ATP9A: variants seen among roughly 807,000 people sequenced by gnomAD.
The protein encoded by ATP9A is probable phospholipid-transporting ATPase IIA.
A neutral mutation model predicts 144.1 loss-of-function variants in ATP9A; 52 were observed. The ratio of observed to expected loss-of-function variants is 0.36; its 90% confidence interval spans 0.29 to 0.45. ATP9A has a LOEUF of 0.45. Ranked by LOEUF, ATP9A falls within the 20% of genes least tolerant of loss-of-function variation. The probability of loss-of-function intolerance (pLI) is 1.00; values close to 1 mark genes in which losing one functional copy is unlikely to be tolerated. For missense variants in ATP9A, 947 were observed against 1,392.7 expected (o/e 0.68, Z 5.09); for synonymous variants, 582 against 557.4 (o/e 1.04, Z -0.62).
At chr20:51,616,486 T>C (rs1331568490) in intron 22 of ATP9A, among the ~76,000 whole-genome samples, 2 of 152,178 alleles carry the variant, frequency 1.3e-5, no homozygotes, top group Non-Finnish European at 2.9e-5. Context: ...ATCTCACTAA[T>C]TTTTGTATTT....
At chr20:51,728,122 C>T (rs900469071) in intron 2 of ATP9A, among the ~76,000 whole-genome samples, 1 of 152,068 alleles carries the variant, frequency 6.6e-6, no homozygotes, top group African/African-American at 2.4e-5. Flanking sequence ...CTCGTTGAGG[C>T]TAAGGCAGCT....
intron 17 of ATP9A, 57 bp downstream of exon 17, chr20:51,627,543 G>T: frequency 6.8e-7 from 1 of 1,465,044 alleles, no homozygotes; most frequent in Non-Finnish European, 9.6e-7. Context: ...GGTGGAAGGA[G>T]TGACTGGGAG....
chr20:51,662,442 G>A (rs1192717950), intron 13 of ATP9A, among the ~76,000 whole-genome samples: 1 of 151,788 alleles, frequency 6.6e-6, no homozygotes, highest in Non-Finnish European at 1.5e-5. Context: ...CTACTCGGCA[G>A]GCTGAGGCAG....
rs573759092 is a variant in ATP9A at position 51,645,794 on chromosome 20, A to G, written c.1507-6290T>C. 9.6e-4 allele frequency among the ~76,000 whole-genome samples: 146 copies of G among 152,212 alleles called. 2 individuals are homozygous for G. Among genetic ancestry groups the G allele is most frequent in the Non-Finnish European group, 9.7e-4 (66 of 68,042 alleles). On this transcript the variant is annotated intron_variant, in intron 14 of 27. Coordinates refer to ENST00000338821, the MANE Select transcript of ATP9A (RefSeq NM_006045.3). ...ACAAACATCTGGGGAGTGAGCTGAGATAACTGCATTCCCTCCCAAAACAAA... is the reference window on the plus strand; with the variant it reads ...ACAAACATCTGGGGAGTGAGCTGAGGTAACTGCATTCCCTCCCAAAACAAA...
chr20:51,711,421 C>T (rs908850461), intron 4 of ATP9A, among the ~76,000 whole-genome samples: 1 of 152,150 alleles, frequency 6.6e-6, no homozygotes, highest in East Asian at 1.9e-4. Flanking sequence ...TCCTTGGAAG[C>T]ATAAAGCACT....
rs369600994 is a variant in ATP9A at position 51,666,635 on chromosome 20, G to A, written c.1293+3362C>T. On this transcript the variant is annotated intron_variant, in intron 13 of 27. Coordinates refer to ENST00000338821, the MANE Select transcript of ATP9A (RefSeq NM_006045.3). ...GTGGAGGTTGCAGTGAGCCGAGATCGCACCCCTGTACCTCAGCCTGGGCAA... is the reference window on the plus strand; with the variant it reads ...GTGGAGGTTGCAGTGAGCCGAGATCACACCCCTGTACCTCAGCCTGGGCAA... Among the ~76,000 whole-genome samples the A allele has an allele frequency of 3.5e-4, 52 of 149,646 alleles. 2 individuals are homozygous for A. Among genetic ancestry groups the A allele is most frequent in the African/African-American group, 7.9e-4 (32 of 40,494 alleles).
intron 1 of ATP9A, among the ~76,000 whole-genome samples, chr20:51,743,638 C>T (rs1472380975): frequency 2.0e-5 from 3 of 148,296 alleles, no homozygotes; most frequent in African/African-American, 7.3e-5. Flanking sequence ...CTACTGACCT[C>T]GTGATTCGCC....
chr20:51,730,088 G>A (rs1342726188), intron 1 of ATP9A, 110 bp from the exon 2 acceptor site: 1 of 1,201,464 alleles, frequency 8.3e-7, no homozygotes, highest in Admixed American at 3.2e-5. Flanking sequence ...CTCTGGCTCA[G>A]GACCACAGCC....
chr20:51,697,263 G>GTGTC (rs893049895), intron 5 of ATP9A, among the ~76,000 whole-genome samples, 161 bp downstream of exon 5: 4 of 152,014 alleles, frequency 2.6e-5, no homozygotes, highest in Non-Finnish European at 5.9e-5. Context: ...GTGTGTGTGT[G>GTGTC]TGTCTGTCTG....
chr20:51,667,539 C>A (rs137857519), intron 13 of ATP9A, among the ~76,000 whole-genome samples: 234 of 152,290 alleles, frequency 1.5e-3, no homozygotes, highest in African/African-American at 5.4e-3. Flanking sequence ...TAAGGCAGCT[C>A]ACCCTGCCTG....
chr20:51,697,449 A>C lies in ATP9A; in HGVS notation c.470T>G (p.Val157Gly). The C allele has an allele frequency of 1.2e-6, 2 of 1,613,670 alleles. No homozygotes were observed. Among genetic ancestry groups the C allele is most frequent in the Non-Finnish European group, 1.7e-6 (2 of 1,179,858 alleles). ...CTTTTCAACGATGATAAGGTCTCCA[A>C]CTTGGATGTTAGAACTCTTCACCTT... ...TVKVKSSNIQ[V>G]GDLIIVEKNQ... is the part of the protein sequence containing the mutation. The change falls in exon 5 of 28, where the codon GTT (valine) becomes GGT (glycine). Residue 157 changes from valine (V) to glycine (G), a missense_variant. Around this residue, in one of 2 missense-constraint regions of ATP9A, gnomAD observed 770 missense variants for 1,047.9 expected, o/e 0.73. Transcript: ENST00000338821.
At chr20:51,724,156 A>T (rs2077702299) in intron 3 of ATP9A, among the ~76,000 whole-genome samples, 1 of 151,924 alleles carries the variant, frequency 6.6e-6, no homozygotes, top group Non-Finnish European at 1.5e-5. Context: ...GGGCAATAAG[A>T]GCGAAACTCC....
chr20:51,640,431 A>G (rs2077314002), intron 14 of ATP9A, among the ~76,000 whole-genome samples: 1 of 152,208 alleles, frequency 6.6e-6, no homozygotes, highest in Non-Finnish European at 1.5e-5. Flanking sequence ...ACCACACCAG[A>G]GACTGATCTG....
Position 51,597,626 on chromosome 20 carries a change from T to G in ATP9A, c.*3585A>C, listed in dbSNP as rs544622271. ...GTTTAAGTAGGATGGAGCAGAAGAA[T>G]GTACATGTCCCATTTGCAATTTTGG... On this transcript the variant is annotated 3_prime_UTR_variant, in exon 28 of 28. Coordinates refer to ENST00000338821, the MANE Select transcript of ATP9A (RefSeq NM_006045.3). 6.6e-6 allele frequency: 1 copy of G among 152,258 alleles called. No homozygotes were observed. Among genetic ancestry groups the G allele is most frequent in the Non-Finnish European group, 1.5e-5 (1 of 68,032 alleles). 9.4% of individuals were successfully genotyped at this position (152,258 alleles called of 1,614,324 possible).
chr20:51,722,078 G>A (rs540277642), intron 3 of ATP9A, among the ~76,000 whole-genome samples: 1 of 151,902 alleles, frequency 6.6e-6, no homozygotes, highest in South Asian at 2.1e-4. Flanking sequence ...AAACAAAAAC[G>A]TAAAGTGGGG....
intron 21 of ATP9A, 25 bp downstream of exon 21, chr20:51,618,637 G>A: frequency 6.2e-7 from 1 of 1,600,372 alleles, no homozygotes; most frequent in Non-Finnish European, 8.5e-7. Context: ...GCCAGGGCCA[G>A]CAGCACAGCC....
chr20:51,644,247 C>G (rs1457152956), intron 14 of ATP9A, among the ~76,000 whole-genome samples: 5 of 146,672 alleles, frequency 3.4e-5, no homozygotes, highest in Admixed American at 3.4e-4. Context: ...GAGAGAATTA[C>G]TTCTAGCTTT....
chr20:51,652,233 G>T (rs1190396194), intron 14 of ATP9A, among the ~76,000 whole-genome samples: 1 of 152,208 alleles, frequency 6.6e-6, no homozygotes, highest in African/African-American at 2.4e-5. Context: ...TTTCCTCCGT[G>T]ACTTACTGTA....
Position 51,762,475 on chromosome 20 carries a change from C to T in ATP9A, c.68+5827G>A, listed in dbSNP as rs568539994. 6.2e-5 allele frequency among the ~76,000 whole-genome samples: 9 copies of T among 144,476 alleles called. No individual in the cohort carries two copies. In the East Asian group the frequency reaches 1.8e-3, roughly 30 times the overall value. The allele number at this position is 144,476 out of a possible 152,430, so 94.8% of individuals were successfully genotyped here. On this transcript the variant is annotated intron_variant, in intron 1 of 27. Coordinates refer to ENST00000338821, the MANE Select transcript of ATP9A (RefSeq NM_006045.3). The stretch of plus-strand genomic sequence containing the variant: ...ACACCACTGCACTCCAGCCTAGTGA[C>T]AGAGCAAGACTCTGTCTCAAAAAAA...
Sources: gnomAD v4.1 joint callset for allele counts (sites outside exome capture counted in the v4.1 genomes callset) on GRCh38, gnomAD v4.1.1 for gene constraint, gnomAD v4.1.1 regional missense constraint, MANE v1.5 for transcripts, NCBI Gene and HGNC (gene_info 2026-07-23, HGNC 2026-07-21) for gene names.